Variants in AGBL4 observed in about 807,000 individuals in gnomAD.
AGBL4 encodes AGBL carboxypeptidase 4, also known as cytosolic carboxypeptidase 6.
A neutral mutation model predicts 66.4 loss-of-function variants in AGBL4; 58 were observed. That is an observed-to-expected ratio of 0.87 (90% CI 0.71 to 1.09). The LOEUF (loss-of-function observed/expected upper bound fraction) is 1.09, where lower values mean the gene tolerates loss of function less well. Ranked by LOEUF, AGBL4 falls within the 50% of genes least tolerant of loss-of-function variation. The probability of loss-of-function intolerance (pLI) is 0.00; values close to 1 mark genes in which losing one functional copy is unlikely to be tolerated. For synonymous variants in AGBL4, 234 were observed against 222.9 expected (o/e 1.05, Z -0.44); for missense variants, 579 against 631.0 (o/e 0.92, Z 0.88).
chr1:48,583,571 A>G (rs1644770944), intron 11 of AGBL4, among the ~76,000 whole-genome samples: 1 of 152,202 alleles, frequency 6.6e-6, no homozygotes, highest in Non-Finnish European at 1.5e-5. Context: ...TTCCCACAGC[A>G]GGGGTTAGAC....
At chr1:49,107,735 G>GAA (rs1645326071) in intron 4 of AGBL4, among the ~76,000 whole-genome samples, 1 of 140,332 alleles carries the variant, frequency 7.1e-6, no homozygotes, top group South Asian at 2.3e-4. Flanking sequence ...GAGAGAGAGA[G>GAA]ACAATATTTA....
chr1:48,880,549 T>C (rs1282218474), intron 5 of AGBL4, among the ~76,000 whole-genome samples: 2 of 152,220 alleles, frequency 1.3e-5, no homozygotes, highest in African/African-American at 4.8e-5. Context: ...CACACTGTTT[T>C]CCACAGTGGT....
At chr1:49,509,611 AG>A (rs1433110266) in intron 3 of AGBL4, among the ~76,000 whole-genome samples, 1 of 151,984 alleles carries the variant, frequency 6.6e-6, no homozygotes, top group East Asian at 1.9e-4. Flanking sequence ...AAAACCAAAT[AG>A]GGAGTCATTG....
intron 3 of AGBL4, among the ~76,000 whole-genome samples, chr1:49,511,740 A>C (rs1461573698): frequency 1.3e-5 from 2 of 151,904 alleles, no homozygotes; most frequent in African/African-American, 4.8e-5. Context: ...AAGTCAGAAG[A>C]CTTGGATTCC....
chr1:49,484,282 A>G (rs986684095), intron 3 of AGBL4, among the ~76,000 whole-genome samples: 1 of 152,082 alleles, frequency 6.6e-6, no homozygotes, highest in Non-Finnish European at 1.5e-5. Flanking sequence ...AACATACTGA[A>G]GAGATATCTG....
intron 6 of AGBL4, among the ~76,000 whole-genome samples, chr1:48,763,829 G>A (rs1360504756): frequency 6.6e-6 from 1 of 152,208 alleles, no homozygotes; most frequent in Non-Finnish European, 1.5e-5. Context: ...TGAAGTCTGT[G>A]CATCCATCCA....
intron 3 of AGBL4, among the ~76,000 whole-genome samples, chr1:49,555,292 T>C (rs1011091007): frequency 2.0e-5 from 3 of 148,748 alleles, no homozygotes; most frequent in Admixed American, 6.7e-5. Context: ...AAGTCCCCAC[T>C]AGATTAGCTA....
chr1:49,573,779 T>C (rs1644381418), intron 3 of AGBL4, among the ~76,000 whole-genome samples: 1 of 152,084 alleles, frequency 6.6e-6, no homozygotes, highest in Non-Finnish European at 1.5e-5. Context: ...AGTGAGGGCA[T>C]TGATTGGAAA....
rs151118772 is a variant in AGBL4, at chr1:49,703,196, T to C, written c.158-5759A>G. ...TGCAGAAAAACCTAAGGAATCCACA[T>C]ACCAAAAAAAAAAAACTATTTGAGC... is the stretch of plus-strand genomic sequence containing the variant. On this transcript the variant is annotated intron_variant, in intron 2 of 13. Transcript: ENST00000371839. 2.3e-3 allele frequency among the ~76,000 whole-genome samples: 340 copies of C among 149,384 alleles called. 4 individuals are homozygous for C. Among genetic ancestry groups the C allele is most frequent in the African/African-American group, 8.0e-3 (327 of 40,776 alleles).
At chr1:48,907,823 C>T (rs76643036) in intron 5 of AGBL4, among the ~76,000 whole-genome samples, 2,348 of 152,200 alleles carry the variant, frequency 0.015, 63 homozygotes, top group African/African-American at 0.05. Context: ...GAGCTGCATA[C>T]TCCATCCTGA....
intron 3 of AGBL4, among the ~76,000 whole-genome samples, chr1:49,360,345 G>A (rs1644110823): frequency 6.6e-6 from 1 of 152,154 alleles, no homozygotes; most frequent in Non-Finnish European, 1.5e-5. Context: ...AGAATTAAAT[G>A]AGCTAATAAA....
rs374150750 is a variant in AGBL4 at position 48,759,164 on chromosome 1, C to A, written c.635-95923G>T. The A allele has an allele frequency of 2.4e-4, 389 of 1,614,078 alleles. 3 individuals carry two copies. The highest frequency in any genetic ancestry group is 3.0e-4 in the Non-Finnish European group (349 of 1,180,032). On this transcript the variant is annotated intron_variant, in intron 6 of 13. Coordinates refer to ENST00000371839, the MANE Select transcript of AGBL4 (RefSeq NM_032785.4). ...TCCTCTGTGCCTGGCGAGGCCTCCA[C>A]GAAGACCTCTTCCGGACACGTGCTA...
At chr1:48,806,339 T>C (rs1645923277) in intron 6 of AGBL4, among the ~76,000 whole-genome samples, 1 of 152,128 alleles carries the variant, frequency 6.6e-6, no homozygotes, top group South Asian at 2.1e-4. Flanking sequence ...ATCTTCCTCA[T>C]CCCATAAGCA....
chr1:48,628,825 A>T (rs1570060603), intron 9 of AGBL4, among the ~76,000 whole-genome samples: 1 of 85,676 alleles, frequency 1.2e-5, no homozygotes, highest in African/African-American at 4.7e-5. Flanking sequence ...TGGATCACCC[A>T]CCCCCCACCC....
intron 4 of AGBL4, among the ~76,000 whole-genome samples, chr1:49,064,290 T>G (rs1644453717): frequency 6.6e-6 from 1 of 152,022 alleles, no homozygotes; most frequent in Non-Finnish European, 1.5e-5. Context: ...AAATGACTCC[T>G]TCTCTGTTGG....
chr1:48,652,645 C>T (rs1481950915), intron 8 of AGBL4, among the ~76,000 whole-genome samples: 1 of 152,138 alleles, frequency 6.6e-6, no homozygotes, highest in Non-Finnish European at 1.5e-5. Context: ...GGCTGTGTGA[C>T]TTTGGGCAAG....
intron 4 of AGBL4, among the ~76,000 whole-genome samples, chr1:49,236,257 AC>A (rs551227371): frequency 2.2e-4 from 34 of 151,960 alleles, no homozygotes; most frequent in Non-Finnish European, 4.3e-4. Context: ...CAAACTCCTG[AC>A]CTCAACTGAT....
At chr1:48,528,523 TG>T (rs1358968941), downstream of AGBL4, among the ~76,000 whole-genome samples, 1 of 152,068 alleles carries the variant, frequency 6.6e-6, no homozygotes, top group Non-Finnish European at 1.5e-5. Context: ...TGTCGAGGTC[TG>T]GGGCTGAACC....
At chr1:48,964,473 A>G (rs190527621) in intron 5 of AGBL4, among the ~76,000 whole-genome samples, 6 of 152,340 alleles carry the variant, frequency 3.9e-5, no homozygotes, top group African/African-American at 2.4e-5. Flanking sequence ...GAGATCATGG[A>G]TAGAGATATA....
Sources: gnomAD v4.1 joint callset for allele counts (sites outside exome capture counted in the v4.1 genomes callset) on GRCh38, gnomAD v4.1.1 for gene constraint, MANE v1.5 for transcripts, NCBI Gene and HGNC (gene_info 2026-07-23, HGNC 2026-07-21) for gene names.